The following SETBP1 variants were observed in gnomAD, a reference collection of about 807,000 sequenced individuals.
SETBP1 encodes SET binding protein 1.
SETBP1 carries 9 observed loss-of-function variants against 101.0 expected under a neutral mutation model. The observed-to-expected ratio is 0.09, with a 90% CI of 0.05 to 0.16. The LOEUF is 0.16. Ranked by LOEUF, SETBP1 falls within the 10% of genes least tolerant of loss-of-function variation. SETBP1 has a pLI of 1.00. For synonymous variants in SETBP1, 818 were observed against 788.5 expected (o/e 1.04, Z -0.63); for missense variants, 1,858 against 2,033.8 (o/e 0.91, Z 1.66).
chr18:44,711,670 T>C (rs983417667), intron 2 of SETBP1, among the ~76,000 whole-genome samples: 4 of 151,302 alleles, frequency 2.6e-5, no homozygotes, highest in African/African-American at 9.7e-5. Flanking sequence ...GTACTGCAGG[T>C]GTGCACCACC....
chr18:45,053,469 G>A (rs2073756240), intron 5 of SETBP1, among the ~76,000 whole-genome samples: 1 of 152,198 alleles, frequency 6.6e-6, no homozygotes, highest in East Asian at 1.9e-4. Flanking sequence ...AAGAAATTGA[G>A]AGATTTGTCT....
chr18:44,939,940 GT>G (rs2071049932), intron 3 of SETBP1, among the ~76,000 whole-genome samples: 1 of 152,156 alleles, frequency 6.6e-6, no homozygotes, highest in African/African-American at 2.4e-5. Context: ...CCTCTGGTGG[GT>G]TTTTTCTGAT....
chr18:44,935,871 T>A (rs2070944799), intron 3 of SETBP1, among the ~76,000 whole-genome samples: 1 of 152,142 alleles, frequency 6.6e-6, no homozygotes, highest in Admixed American at 6.5e-5. Flanking sequence ...GGCTACAGGT[T>A]TTTACTGATA....
At chr18:44,856,310 C>T (rs1283335663) in intron 2 of SETBP1, among the ~76,000 whole-genome samples, 1 of 152,148 alleles carries the variant, frequency 6.6e-6, no homozygotes, top group Non-Finnish European at 1.5e-5. Context: ...AAGGGAATTC[C>T]TGCATTGGAG....
chr18:44,959,261 C>T (rs763864368), intron 4 of SETBP1, among the ~76,000 whole-genome samples: 1 of 152,084 alleles, frequency 6.6e-6, no homozygotes, highest in South Asian at 2.1e-4. Context: ...AGGAAGCATG[C>T]CTTTGGAAGG....
chr18:44,828,821 A>G (rs1221447920), intron 2 of SETBP1, among the ~76,000 whole-genome samples: 1 of 152,268 alleles, frequency 6.6e-6, no homozygotes, highest in Non-Finnish European at 1.5e-5. Context: ...AAGAGACACT[A>G]CAGAACTCAT....
chr18:44,990,943 A>G (rs954508062), intron 4 of SETBP1, among the ~76,000 whole-genome samples: 7 of 151,042 alleles, frequency 4.6e-5, no homozygotes, highest in Non-Finnish European at 1.0e-4. Context: ...AAAAAAAAAA[A>G]AAAAGAAACC....
Position 44,701,207 on chromosome 18 carries a change from G to A in SETBP1, c.-140G>A, listed in dbSNP as rs537369610. The A allele has an allele frequency of 3.8e-5, 33 of 864,224 alleles. No individual in the cohort carries two copies. The African/African-American group carries it at 4.4e-4, about 12-fold the overall frequency. The allele number at this position is 864,224 out of a possible 1,614,324, so 53.5% of individuals were successfully genotyped here. On this transcript the variant is annotated 5_prime_UTR_variant, in exon 2 of 6. It adds an upstream start codon to the 5' untranslated region. Coordinates refer to ENST00000649279, the MANE Select transcript of SETBP1 (RefSeq NM_015559.3). ...TCTGATCTCTTCTGAACACCTCATC[G>A]TGTCTCCATCCCTGGGAATCTGACC...
In SETBP1 at chr18:44,950,720, G is replaced by A; in HGVS notation, c.1380G>A (p.Lys460=). The A allele has an allele frequency of 6.2e-7, 1 of 1,614,104 alleles. No individual in the cohort carries two copies. ...RILSNSEGNK[K]DPRVPKLSKM... Reference sequence around the variant, plus strand: ...TTTCCAACTCTGAGGGGAATAAGAAGGATCCCCGTGTCCCTAAGTTGAGTA... The same window carrying A: ...TTTCCAACTCTGAGGGGAATAAGAAAGATCCCCGTGTCCCTAAGTTGAGTA... The change falls in exon 4 of 6, where the codon AAG becomes AAA. Residue 460 remains lysine, a synonymous_variant. Transcript: ENST00000649279.
chr18:44,825,831 G>A (rs2072225842), intron 2 of SETBP1, among the ~76,000 whole-genome samples: 1 of 152,226 alleles, frequency 6.6e-6, no homozygotes, highest in Admixed American at 6.5e-5. Flanking sequence ...TAGCAGCAGA[G>A]TAGTGCGGAA....
At position 44,952,567 on chromosome 18, in the gene SETBP1, C is replaced by T. The variant is rs1449085454; in HGVS notation, c.3227C>T (p.Ser1076Leu). Residue 1076 changes from serine to leucine, a missense_variant, in exon 4 of 6, where the codon TCG (serine) becomes TTG (leucine). Physicochemically the swap from Ser to Leu is moderately radical, Grantham distance 145. Transcript: ENST00000649279. ...YGQYPAPLYL[S>L]HTLGAASPFM... is the part of the protein sequence containing the mutation. ...CAGTACCCAGCTCCTTTGTACCTAT[C>T]GCACACGCTTGGAGCAGCTTCCCCA... 8 of 1,614,002 alleles carry T rather than the reference C, an allele frequency of 5.0e-6. No homozygotes were observed. Among genetic ancestry groups the T allele is most frequent in the Admixed American group, 1.7e-5 (1 of 60,002 alleles).
chr18:44,701,326 C>T lies in SETBP1; in HGVS notation c.-21C>T, dbSNP rs773733378. On this transcript the variant is annotated 5_prime_UTR_variant, in exon 2 of 6. Coordinates refer to ENST00000649279, the MANE Select transcript of SETBP1 (RefSeq NM_015559.3). Reference sequence around the variant, plus strand: ...TTCCCCTTCCCCCTCCTGAGAACTCCGGAAGACTGTAGAGATTGTCATGGA... The same window carrying T: ...TTCCCCTTCCCCCTCCTGAGAACTCTGGAAGACTGTAGAGATTGTCATGGA... 20 of 1,464,836 alleles carry T rather than the reference C, an allele frequency of 1.4e-5. No individual in the cohort carries two copies. Among genetic ancestry groups the T allele is most frequent in the Middle Eastern group, 1.8e-4 (1 of 5,542 alleles). The allele number at this position is 1,464,836 out of a possible 1,614,324, so 90.7% of individuals were successfully genotyped here.
At chr18:44,820,773 C>G (rs1056598012) in intron 2 of SETBP1, among the ~76,000 whole-genome samples, 2 of 152,178 alleles carry the variant, frequency 1.3e-5, no homozygotes, top group Admixed American at 1.3e-4. Context: ...AGCACAGTGC[C>G]TGGCACATGG....
At chr18:44,972,579 A>C (rs1568001738) in intron 4 of SETBP1, among the ~76,000 whole-genome samples, 1 of 152,138 alleles carries the variant, frequency 6.6e-6, no homozygotes, top group Admixed American at 6.5e-5. Flanking sequence ...TTCTCCCTGA[A>C]GAGATCCTTC....
At chr18:44,907,315 T>C (rs2070197814) in intron 3 of SETBP1, among the ~76,000 whole-genome samples, 2 of 152,220 alleles carry the variant, frequency 1.3e-5, no homozygotes, top group Non-Finnish European at 2.9e-5. Flanking sequence ...GCTATGAACA[T>C]TTATGTAGAA....
intron 2 of SETBP1, among the ~76,000 whole-genome samples, chr18:44,726,441 A>C (rs1237470062): frequency 2.8e-4 from 43 of 152,224 alleles, no homozygotes; most frequent in Non-Finnish European, 1.5e-5. Context: ...AAAACTCTTA[A>C]GAGGTAAATC....
chr18:45,003,059 G>C (rs1382222357), intron 4 of SETBP1, among the ~76,000 whole-genome samples: 2 of 152,172 alleles, frequency 1.3e-5, no homozygotes, highest in Non-Finnish European at 2.9e-5. Flanking sequence ...TTCTCAAAAG[G>C]ATACATCACA....
intron 2 of SETBP1, among the ~76,000 whole-genome samples, chr18:44,756,571 G>A (rs949479693): frequency 1.3e-5 from 2 of 152,168 alleles, no homozygotes; most frequent in African/African-American, 4.8e-5. Flanking sequence ...CTGCTGCAAT[G>A]ACCACCATGA....
intron 3 of SETBP1, among the ~76,000 whole-genome samples, chr18:44,921,851 G>A (rs1002379890): frequency 3.3e-5 from 5 of 152,162 alleles, no homozygotes; most frequent in Non-Finnish European, 7.4e-5. Flanking sequence ...TTCCCAGCTG[G>A]AACAAGGCAA....
Sources: gnomAD v4.1 joint callset for allele counts (sites outside exome capture counted in the v4.1 genomes callset) on GRCh38, gnomAD v4.1.1 for gene constraint, MANE v1.5 for transcripts, NCBI Gene and HGNC (gene_info 2026-07-23, HGNC 2026-07-21) for gene names.